Variants in WIPF1 observed in about 807,000 individuals in gnomAD.
WIPF1 encodes WAS/WASL interacting protein family member 1.
In WIPF1, 13 loss-of-function variants were observed where a neutral mutation model predicts 35.4. That is an observed-to-expected ratio of 0.37 (90% confidence interval 0.24 to 0.58). WIPF1 has a LOEUF of 0.58. WIPF1 is among the 20% of genes least tolerant of loss of function. The pLI is 0.74. For missense variants in WIPF1, 591 were observed against 667.0 expected (o/e 0.89, Z 1.25); for synonymous variants, 267 against 266.3 (o/e 1.00, Z -0.02).
chr2:174,608,489 CCATT>C (rs1328719800), intron 1 of WIPF1, among the ~76,000 whole-genome samples: 1 of 152,152 alleles, frequency 6.6e-6, no homozygotes, highest in Non-Finnish European at 1.5e-5. Flanking sequence ...TGTGGAAAGA[CCATT>C]CATGTTTTTT....
At chr2:174,635,574 G>A (rs1426136067) in intron 1 of WIPF1, among the ~76,000 whole-genome samples, 1 of 140,028 alleles carries the variant, frequency 7.1e-6, no homozygotes, top group Non-Finnish European at 1.5e-5. Context: ...TCAGCCATCA[G>A]GAGGGTCCAA....
At chr2:174,664,610 G>A (rs1416519202) in intron 1 of WIPF1, among the ~76,000 whole-genome samples, 1 of 152,182 alleles carries the variant, frequency 6.6e-6, no homozygotes, top group Admixed American at 6.5e-5. Flanking sequence ...CCAGTGTCGG[G>A]CTCGGCCCAC....
chr2:174,645,544 T>C (rs1687389612), intron 1 of WIPF1, among the ~76,000 whole-genome samples: 1 of 152,242 alleles, frequency 6.6e-6, no homozygotes, highest in Non-Finnish European at 1.5e-5. Flanking sequence ...TATTATGTCA[T>C]GCAAAGCCTC....
chr2:174,642,343 C>CTTTTTTTTT (rs780884199), intron 1 of WIPF1, among the ~76,000 whole-genome samples: 2 of 102,822 alleles, frequency 1.9e-5, no homozygotes, highest in African/African-American at 3.8e-5. Context: ...CTTCCTCCAC[C>CTTTTTTTTT]TTTTTTTTTT....
chr2:174,630,050 C>A (rs377221900), intron 1 of WIPF1, among the ~76,000 whole-genome samples: 29 of 152,288 alleles, frequency 1.9e-4, no homozygotes, highest in African/African-American at 7.0e-4. Flanking sequence ...CACTTAGTGA[C>A]TTCTAATTTA....
chr2:174,631,696 C>T (rs747114389), intron 1 of WIPF1, among the ~76,000 whole-genome samples: 20 of 152,184 alleles, frequency 1.3e-4, no homozygotes, highest in Admixed American at 5.9e-4. Flanking sequence ...TACAAATGTC[C>T]GGGAACTTCT....
At chr2:174,594,636 C>T (rs1441352073) in intron 1 of WIPF1, among the ~76,000 whole-genome samples, 1 of 73,202 alleles carries the variant, frequency 1.4e-5, no homozygotes, top group Non-Finnish European at 3.6e-5. Flanking sequence ...ATCGCTATCA[C>T]CACATTTAGT....
At chr2:174,578,867 A>T (rs1685148061) in intron 3 of WIPF1, among the ~76,000 whole-genome samples, 1 of 152,250 alleles carries the variant, frequency 6.6e-6, no homozygotes, top group African/African-American at 2.4e-5. Flanking sequence ...TATAAAATTT[A>T]AAAATTTTGC....
chr2:174,563,183 G>A (rs1272436575), intron 7 of WIPF1, among the ~76,000 whole-genome samples: 1 of 152,200 alleles, frequency 6.6e-6, no homozygotes, highest in African/African-American at 2.4e-5. Context: ...TCTAATGGGT[G>A]TAAAGTTGTA....
rs959651617 is a variant in WIPF1 at position 174,671,105 on chromosome 2, T to C, written c.-39+11669A>G. 7.2e-5 allele frequency among the ~76,000 whole-genome samples: 11 copies of C among 152,320 alleles called. No individual in the cohort carries two copies. The East Asian group carries it at 1.4e-3, about 19-fold the overall frequency. ...TGCAGATGCAACTGTGTGTGATAGATTGTTGCATGAAGTCAGGGACCCCGA... is the reference window on the plus strand; with the variant it reads ...TGCAGATGCAACTGTGTGTGATAGACTGTTGCATGAAGTCAGGGACCCCGA... On this transcript the variant is annotated intron_variant, in intron 1 of 8. Coordinates refer to the WIPF1 transcript ENST00000272746.
rs1188334510 is a variant in WIPF1 at position 174,562,536 on chromosome 2, G to A, written c.*11C>T. On this transcript the variant is annotated 3_prime_UTR_variant, in exon 8 of 8. Transcript: ENST00000679041. ...AGCTCTTGAGCTTGGGTAGAGAAGA[G>A]CAGGCAAAGATCACCTCGGGATGGG... 19 of 1,614,106 alleles carry A rather than the reference G, an allele frequency of 1.2e-5. No homozygotes were observed. In the African/African-American group the frequency reaches 2.4e-4, roughly 20 times the overall value.
Position 174,567,988 on chromosome 2 carries a change from A to C in WIPF1, c.1215T>G (p.Ser405Arg). The part of the protein sequence containing the change: ...LPATPQLPSR[S>R]GVDSPRSGPR... The stretch of plus-strand genomic sequence containing the variant: ...GTCCACTCCTGGGACTGTCTACTCC[A>C]CTCCTGGATGGCAACTGAGGGGTAG... The change falls in exon 6 of 8, where the codon AGT (serine) becomes AGG (arginine). Residue 405 changes from serine (S) to arginine (R), a missense_variant. Coordinates refer to ENST00000679041, the MANE Select transcript of WIPF1 (RefSeq NM_001375834.1). 1.2e-6 allele frequency: 2 copies of C among 1,613,788 alleles called. No individual in the cohort carries two copies. The highest frequency in any genetic ancestry group is 1.7e-6 in the Non-Finnish European group (2 of 1,179,966).
intron 1 of WIPF1, among the ~76,000 whole-genome samples, chr2:174,620,466 C>G (rs961794627): frequency 2.0e-5 from 3 of 152,138 alleles, no homozygotes; most frequent in African/African-American, 7.2e-5. Flanking sequence ...TTCATAGTAC[C>G]AAGTTAGAAA....
chr2:174,615,562 T>A (rs1292452052), intron 1 of WIPF1, among the ~76,000 whole-genome samples: 1 of 152,228 alleles, frequency 6.6e-6, no homozygotes, highest in Non-Finnish European at 1.5e-5. Context: ...GTAAAAGCAC[T>A]GTTTATGTTT....
In WIPF1 at chr2:174,572,329, C is replaced by T; in HGVS notation, c.476G>A (p.Ser159Asn). The change falls in exon 5 of 8, where the codon AGT becomes AAT. Residue 159 changes from serine to asparagine, a missense_variant. This residue lies in a region of WIPF1 where 471 missense variants were observed against 501.1 expected (regional missense o/e 0.94). Transcript: ENST00000679041. ...RFPVPSPGHR[S>N]GPPEPQRNRM... ...GTTCCTCTGAGGCTCTGGGGGACCACTTCTGTGGCCTGGAGAAGGCACAGG... is the reference window on the plus strand; with the variant it reads ...GTTCCTCTGAGGCTCTGGGGGACCATTTCTGTGGCCTGGAGAAGGCACAGG... The T allele has an allele frequency of 6.2e-7, 1 of 1,614,108 alleles. No homozygotes were observed. Among genetic ancestry groups the T allele is most frequent in the Non-Finnish European group, 8.5e-7 (1 of 1,179,998 alleles).
Position 174,571,796 on chromosome 2 carries a change from G to A in WIPF1, c.1009C>T (p.Arg337Trp). 8 of 1,614,228 alleles carry A rather than the reference G, an allele frequency of 5.0e-6. No individual in the cohort carries two copies. The highest frequency in any genetic ancestry group is 2.2e-5 in the East Asian group (1 of 44,882). The change falls in exon 5 of 8, where the codon CGG (arginine) becomes TGG (tryptophan). Residue 337 changes from arginine (R) to tryptophan (W), a missense_variant. Arg to Trp is a moderately radical substitution (Grantham distance 101). Around this residue, in one of 3 missense-constraint regions of WIPF1, gnomAD observed 471 missense variants for 501.1 expected, o/e 0.94. Coordinates refer to ENST00000679041, the MANE Select transcript of WIPF1 (RefSeq NM_001375834.1). This position sits in a 1 kb window ranked among gnomAD's most constrained non-coding sequence, Gnocchi z 4.6. The part of the protein sequence containing the change: ...GNDETPRLPQ[R>W]NLSLSSSTPP... ...GTGGACGAACTGAGGGACAGATTCC[G>A]CTGTGGGAGTCTTGGGGTTTCGTCA...
chr2:174,602,879 A>G (rs1179591413), intron 1 of WIPF1, among the ~76,000 whole-genome samples: 2 of 152,276 alleles, frequency 1.3e-5, no homozygotes, highest in East Asian at 3.9e-4. Context: ...TTGTATGGAG[A>G]ATCATCCCGT....
At chr2:174,646,649 G>A (rs991305704) in intron 1 of WIPF1, among the ~76,000 whole-genome samples, 1 of 152,116 alleles carries the variant, frequency 6.6e-6, no homozygotes, top group African/African-American at 2.4e-5. Flanking sequence ...TTCTGAGATG[G>A]AGTCTCATTC....
At chr2:174,636,340 AT>A (rs997767356) in intron 1 of WIPF1, among the ~76,000 whole-genome samples, 12 of 150,154 alleles carry the variant, frequency 8.0e-5, no homozygotes, top group East Asian at 7.8e-4. Context: ...TCTGTCCATG[AT>A]TTTTTTTTTC....
Sources: allele counts gnomAD v4.1 joint callset (sites outside exome capture counted in the v4.1 genomes callset), GRCh38; gene constraint gnomAD v4.1.1; regional missense constraint gnomAD v4.1.1; non-coding constraint Gnocchi (gnomAD v3.1); transcripts MANE v1.5; gene names NCBI Gene and HGNC (gene_info 2026-07-23, HGNC 2026-07-21).